PTPN13: variants seen among roughly 807,000 people sequenced by gnomAD.
PTPN13 encodes the protein protein tyrosine phosphatase non-receptor type 13.
In PTPN13, 191 loss-of-function variants were observed where a neutral mutation model predicts 284.0. That is an observed-to-expected ratio of 0.67 (90% CI 0.60 to 0.76). PTPN13 has a LOEUF of 0.76. Ranked by LOEUF, PTPN13 falls within the 30% of genes least tolerant of loss-of-function variation. PTPN13 has a pLI of 0.00. For missense variants in PTPN13, 2,797 were observed against 2,939.9 expected (o/e 0.95, Z 1.12); for synonymous variants, 986 against 1,022.3 (o/e 0.96, Z 0.68).
chr4:86,778,104 CT>C (rs1167267475), intron 35 of PTPN13, among the ~76,000 whole-genome samples: 1 of 152,150 alleles, frequency 6.6e-6, no homozygotes, highest in Non-Finnish European at 1.5e-5. Flanking sequence ...TTCTAGCTCT[CT>C]CTTCATTGTG....
chr4:86,732,045 C>G (rs1414811292), intron 10 of PTPN13, among the ~76,000 whole-genome samples: 1 of 152,182 alleles, frequency 6.6e-6, no homozygotes, highest in African/African-American at 2.4e-5. Context: ...AGCTTTATAA[C>G]TCTATATTAC....
At position 86,799,209 on chromosome 4, in the gene PTPN13, G is replaced by A. The variant is rs200505822; in HGVS notation, c.6505+5G>A. 63 of 1,482,966 alleles carry A rather than the reference G, an allele frequency of 4.2e-5. 1 individual carries two copies. In the East Asian group the frequency reaches 1.4e-3, roughly 32 times the overall value. 91.9% of individuals were successfully genotyped at this position (1,482,966 alleles called of 1,614,324 possible). On this transcript the variant is annotated splice_donor_5th_base_variant and intron_variant, in intron 42 of 47. Transcript: ENST00000411767. Reference sequence around the variant, plus strand: ...ACCATGAAGATTCTGATAAAGGCAAGAATTTTAATGACAGTTTTTTCCTCA... The same window carrying A: ...ACCATGAAGATTCTGATAAAGGCAAAAATTTTAATGACAGTTTTTTCCTCA...
chr4:86,735,811 G>A (rs1315814940), intron 15 of PTPN13, 65 bp downstream of exon 15: 6 of 1,446,484 alleles, frequency 4.1e-6, no homozygotes, highest in Middle Eastern at 2.1e-4. Context: ...AAGTGTTAGA[G>A]GACACATATC....
chr4:86,628,992 A>G (rs1175562003), intron 1 of PTPN13, among the ~76,000 whole-genome samples: 1 of 151,950 alleles, frequency 6.6e-6, no homozygotes, highest in Non-Finnish European at 1.5e-5. Context: ...TAGCAGCATG[A>G]TTTATAGTCC....
chr4:86,757,185 C>T (rs981700974), intron 20 of PTPN13, among the ~76,000 whole-genome samples: 5 of 152,068 alleles, frequency 3.3e-5, no homozygotes, highest in Non-Finnish European at 7.4e-5. Context: ...GATTAGCCTA[C>T]TTTAAAAAAC....
At chr4:86,595,856 G>A (rs1487782194) in intron 1 of PTPN13, 3 of 626,314 alleles carry the variant, frequency 4.8e-6, no homozygotes, top group Non-Finnish European at 4.0e-6. Context: ...GGGGGGGGGA[G>A]TAAAAGTGCA....
rs1356442923 is a variant in PTPN13 at position 86,811,039 on chromosome 4, C to T, written c.7300-7C>T. The stretch of plus-strand genomic sequence containing the variant: ...GAATCTAACACATATGTGGTTTCCT[C>T]TGACAGTTTGACATCTCTGATTTGG... On this transcript the variant is annotated splice_polypyrimidine_tract_variant and splice_region_variant and intron_variant, in intron 46 of 47. Transcript: ENST00000411767. 25 of 1,612,330 alleles carry T rather than the reference C, an allele frequency of 1.6e-5. No homozygotes were observed. Among genetic ancestry groups the T allele is most frequent in the Non-Finnish European group, 2.0e-5 (24 of 1,178,684 alleles).
chr4:86,624,578 G>A (rs1721621221), intron 1 of PTPN13, among the ~76,000 whole-genome samples: 1 of 152,180 alleles, frequency 6.6e-6, no homozygotes, highest in South Asian at 2.1e-4. Context: ...GCTGACCTCT[G>A]AGTAATTAGG....
At chr4:86,746,436 A>G (rs979469952) in intron 17 of PTPN13, among the ~76,000 whole-genome samples, 8 of 152,164 alleles carry the variant, frequency 5.3e-5, no homozygotes, top group African/African-American at 1.9e-4. Context: ...TGTTTTCCCC[A>G]TAAGGGCAGA....
chr4:86,765,264 T>C (rs1415112180), intron 25 of PTPN13, 131 bp from the exon 26 acceptor site: 11 of 628,634 alleles, frequency 1.7e-5, no homozygotes, highest in Non-Finnish European at 2.8e-5. Context: ...TACTAATGAA[T>C]ATACTGTACA....
chr4:86,599,435 G>A (rs1764105095), intron 1 of PTPN13, among the ~76,000 whole-genome samples: 2 of 151,874 alleles, frequency 1.3e-5, no homozygotes, highest in African/African-American at 4.8e-5. Context: ...AGTTTCCCTG[G>A]CCATATATGG....
chr4:86,781,456 A>G (rs1398417602), intron 36 of PTPN13, among the ~76,000 whole-genome samples: 4 of 152,246 alleles, frequency 2.6e-5, no homozygotes, highest in Admixed American at 6.5e-5. Flanking sequence ...GTTTAAAAAT[A>G]CATTAAAAGT....
chr4:86,758,198 A>T (rs1738218751), intron 20 of PTPN13, 62 bp from the exon 21 acceptor site: 1 of 1,167,596 alleles, frequency 8.6e-7, no homozygotes, highest in Admixed American at 2.2e-5. Context: ...TTGTTAAAAC[A>T]AGCTGACAGT....
intron 40 of PTPN13, among the ~76,000 whole-genome samples, chr4:86,789,263 C>T (rs901314993): frequency 2.0e-5 from 3 of 152,166 alleles, no homozygotes; most frequent in African/African-American, 7.2e-5. Flanking sequence ...TTTTTAATGG[C>T]TTTAATTTCT....
At position 86,652,094 on chromosome 4, in the gene PTPN13, TAAAAACA is replaced by T. The variant is rs1158237318; in HGVS notation, c.115+16736_115+16742del. Among the ~76,000 whole-genome samples, 4 of 152,124 alleles carry T rather than the reference TAAAAACA, an allele frequency of 2.6e-5. No homozygotes were observed. The South Asian group carries it at 6.2e-4, about 24-fold the overall frequency. On this transcript the variant is annotated intron_variant, in intron 2 of 47. Transcript: ENST00000411767. ...GGCAACATAGTGATGAACCATCTGT[TAAAAACA>T]AAAAACAAAAAAATCCAGTTTTTTT...
At chr4:86,693,326 T>A (rs1362981676) in intron 5 of PTPN13, among the ~76,000 whole-genome samples, 4 of 152,200 alleles carry the variant, frequency 2.6e-5, no homozygotes. Context: ...TTTAATCTGA[T>A]GGTATTTTCT....
chr4:86,778,767 G>GC (rs1386652574), intron 35 of PTPN13, among the ~76,000 whole-genome samples: 2 of 151,930 alleles, frequency 1.3e-5, no homozygotes, highest in Non-Finnish European at 2.9e-5. Flanking sequence ...AAGGTTGTTG[G>GC]CCCGGGGCGT....
At chr4:86,674,669 G>A (rs17419675) in intron 3 of PTPN13, among the ~76,000 whole-genome samples, 12,785 of 152,172 alleles carry the variant, frequency 0.084, 736 homozygotes, top group Non-Finnish European at 0.13. Context: ...TAAGGTAGGG[G>A]TAATGCTTAA....
intron 20 of PTPN13, among the ~76,000 whole-genome samples, chr4:86,753,880 A>T (rs1737687532): frequency 6.6e-6 from 1 of 152,090 alleles, no homozygotes; most frequent in African/African-American, 2.4e-5. Context: ...AGAAGCCATT[A>T]TGTTAATTAA....
Sources: gnomAD v4.1 joint callset for allele counts (sites outside exome capture counted in the v4.1 genomes callset) on GRCh38, gnomAD v4.1.1 for gene constraint, MANE v1.5 for transcripts, NCBI Gene and HGNC (gene_info 2026-07-23, HGNC 2026-07-21) for gene names.